The following SWT1 variants were observed in gnomAD, a reference collection of about 807,000 sequenced individuals.
The protein encoded by SWT1 is SWT1 RNA endoribonuclease homolog, also known as transcriptional protein SWT1.
In SWT1, 33 loss-of-function variants were observed where a neutral mutation model predicts 107.3. The observed-to-expected ratio is 0.31, with a 90% CI of 0.23 to 0.41. The LOEUF is 0.41. Among genes scored for constraint, SWT1 ranks in the 10% least tolerant of loss-of-function variants. The pLI is 1.00. For missense variants in SWT1, 898 were observed against 1,028.9 expected, an observed-to-expected ratio of 0.87 and a Z score of 1.74; for synonymous variants, 345 against 348.3, an observed-to-expected ratio of 0.99 and a Z score of 0.11.
At chr1:185,204,292 A>AG (rs397749777) in intron 11 of SWT1, among the ~76,000 whole-genome samples, 3 of 152,108 alleles carry the variant, frequency 2.0e-5, no homozygotes, top group African/African-American at 7.2e-5. Flanking sequence ...AAAAAAAAAA[A>AG]GAAAAATATT....
chr1:185,224,606 T>C (rs1659913581), intron 15 of SWT1, among the ~76,000 whole-genome samples: 1 of 152,242 alleles, frequency 6.6e-6, no homozygotes, highest in Admixed American at 6.5e-5. Context: ...TTCCAATACA[T>C]GAACATGAGA....
chr1:185,200,385 T>TA (rs1657772117), intron 10 of SWT1, among the ~76,000 whole-genome samples: 1 of 152,196 alleles, frequency 6.6e-6, no homozygotes, highest in South Asian at 2.1e-4. Flanking sequence ...TTCATGGATT[T>TA]ATCTACCTTT....
chr1:185,177,496 A>G (rs1463645287), intron 5 of SWT1, among the ~76,000 whole-genome samples: 2 of 152,244 alleles, frequency 1.3e-5, no homozygotes, highest in African/African-American at 2.4e-5. Context: ...TAGCAGCATT[A>G]TCAGGCTTAA....
intron 18 of SWT1, among the ~76,000 whole-genome samples, chr1:185,285,877 G>T (rs1443104592): frequency 1.3e-5 from 2 of 152,126 alleles, no homozygotes; most frequent in African/African-American, 4.8e-5. Flanking sequence ...ATATGTGAGG[G>T]TTTACTTCAG....
intron 2 of SWT1, 88 bp from the exon 3 acceptor site, chr1:185,166,484 A>G (rs1430945455): frequency 2.5e-6 from 2 of 804,336 alleles, no homozygotes; most frequent in Non-Finnish European, 4.0e-6. Flanking sequence ...GTAAATGTTG[A>G]TTTGTAATAC....
chr1:185,281,542 G>A, intron 18 of SWT1: 1 of 240,354 alleles, frequency 4.2e-6, no homozygotes, highest in South Asian at 5.3e-5. Context: ...TCTGCCTGCT[G>A]TAGGATGTCT....
At chr1:185,165,191 G>A (rs763563449) in intron 2 of SWT1, among the ~76,000 whole-genome samples, 5 of 152,096 alleles carry the variant, frequency 3.3e-5, no homozygotes, top group Non-Finnish European at 5.9e-5. Context: ...GTCTCATATG[G>A]GCAGTCTGTG....
rs188107586 is a variant in SWT1, at chr1:185,215,521, T to C, written c.2121+866T>C. 2.3e-4 allele frequency among the ~76,000 whole-genome samples: 35 copies of C among 152,318 alleles called. 1 individual carries two copies. Among genetic ancestry groups the C allele is most frequent in the Admixed American group, 2.2e-3 (34 of 15,300 alleles). On this transcript the variant is annotated intron_variant, in intron 14 of 18. Transcript: ENST00000367500. ...TTAGCTGATGCCTTTTTATCTCTTTTAAACTTAACTCTCTAATTTTTGTAC... is the reference window on the plus strand; with the variant it reads ...TTAGCTGATGCCTTTTTATCTCTTTCAAACTTAACTCTCTAATTTTTGTAC...
At chr1:185,243,796 T>C (rs1012482677) in intron 16 of SWT1, among the ~76,000 whole-genome samples, 6 of 152,198 alleles carry the variant, frequency 3.9e-5, no homozygotes, top group African/African-American at 1.4e-4. Context: ...ATATATGTAG[T>C]TAATGTATTA....
At chr1:185,187,033 G>A (rs1656537542) in intron 9 of SWT1, among the ~76,000 whole-genome samples, 1 of 141,388 alleles carries the variant, frequency 7.1e-6, no homozygotes, top group Admixed American at 7.3e-5. Flanking sequence ...AAGATTACAG[G>A]CGTGAGCCAC....
intron 10 of SWT1, among the ~76,000 whole-genome samples, chr1:185,200,689 C>G (rs1340557752): frequency 2.0e-5 from 3 of 152,176 alleles, no homozygotes; most frequent in African/African-American, 7.2e-5. Flanking sequence ...TCTGTCAACC[C>G]CTGTTGGGAG....
At chr1:185,254,683 A>C (rs1196999884) in intron 16 of SWT1, among the ~76,000 whole-genome samples, 1 of 151,544 alleles carries the variant, frequency 6.6e-6, no homozygotes, top group African/African-American at 2.4e-5. Flanking sequence ...TTTCTTTATT[A>C]GTCTTGCTAG....
intron 16 of SWT1, among the ~76,000 whole-genome samples, chr1:185,253,440 G>C (rs1296332723): frequency 6.6e-6 from 1 of 151,686 alleles, no homozygotes; most frequent in Non-Finnish European, 1.5e-5. Context: ...CCATTTGTTT[G>C]TATCCTCTTT....
chr1:185,218,911 C>A (rs1379283566), intron 14 of SWT1, among the ~76,000 whole-genome samples: 1 of 152,030 alleles, frequency 6.6e-6, no homozygotes, highest in Non-Finnish European at 1.5e-5. Context: ...TTTGTGGAGA[C>A]CTTAATGTCT....
rs757133944 is a variant in SWT1 at position 185,184,320 on chromosome 1, A to G, written c.1216A>G (p.Ile406Val). ...ILMNHLKFVRILKTTEVPGFD... is the reference protein window; with the variant it reads ...ILMNHLKFVRVLKTTEVPGFD... ...GATGAATCATCTCAAATTTGTTAGA[A>G]TTTTGAAGACAACAGAAGTACCAGG... is the stretch of plus-strand genomic sequence containing the variant. Residue 406 changes from isoleucine to valine, a missense_variant, in exon 8 of 19, where the codon ATT becomes GTT. Around this residue, in one of 6 missense-constraint regions of SWT1, gnomAD observed 94 missense variants for 114.5 expected, o/e 0.82. Transcript: ENST00000367500. 3.2e-6 allele frequency: 5 copies of G among 1,562,652 alleles called. No individual in the cohort carries two copies. The highest frequency in any genetic ancestry group is 3.6e-5 in the Admixed American group (2 of 55,382).
chr1:185,177,981 A>G (rs747767673), intron 5 of SWT1, among the ~76,000 whole-genome samples: 1 of 152,232 alleles, frequency 6.6e-6, no homozygotes, highest in South Asian at 2.1e-4. Context: ...GAGTAAGATG[A>G]TTATTAGCCT....
At chr1:185,197,182 A>G (rs1290539511) in intron 10 of SWT1, among the ~76,000 whole-genome samples, 1 of 152,180 alleles carries the variant, frequency 6.6e-6, no homozygotes, top group African/African-American at 2.4e-5. Flanking sequence ...AGGGGTGTTG[A>G]ATTTTACTGA....
chr1:185,165,596 C>T (rs1571390185), intron 2 of SWT1, among the ~76,000 whole-genome samples: 2 of 152,184 alleles, frequency 1.3e-5, no homozygotes, highest in East Asian at 1.9e-4. Flanking sequence ...TAATGTGGTC[C>T]TATTAAAATA....
intron 4 of SWT1, chr1:185,171,558 C>G (rs567030768): frequency 4.8e-4 from 206 of 429,644 alleles, no homozygotes; most frequent in South Asian, 3.6e-3. Flanking sequence ...CCTAGCTTTT[C>G]TGCTCACTTT....
Sources: allele counts gnomAD v4.1 joint callset (sites outside exome capture counted in the v4.1 genomes callset), GRCh38; gene constraint gnomAD v4.1.1; regional missense constraint gnomAD v4.1.1; transcripts MANE v1.5; gene names NCBI Gene and HGNC (gene_info 2026-07-23, HGNC 2026-07-21).